The following PDZRN4 variants were observed in gnomAD, a reference collection of about 807,000 sequenced individuals.
PDZRN4 encodes PDZ domain-containing RING finger protein 4.
In PDZRN4, 70 loss-of-function variants were observed where a neutral mutation model predicts 99.0. That is an observed-to-expected ratio of 0.71 (90% CI 0.58 to 0.86). The LOEUF (loss-of-function observed/expected upper bound fraction) is 0.86. Ranked by LOEUF, PDZRN4 falls within the 40% of genes least tolerant of loss-of-function variation. The pLI is 0.00. For missense variants in PDZRN4, 1,474 were observed against 1,331.2 expected (o/e 1.11, Z -1.67); for synonymous variants, 551 against 501.6 (o/e 1.10, Z -1.32).
chr12:41,544,217 T>C (rs920755882), intron 5 of PDZRN4, among the ~76,000 whole-genome samples: 1 of 152,228 alleles, frequency 6.6e-6, no homozygotes, highest in Non-Finnish European at 1.5e-5. Context: ...AGAGGAATTC[T>C]TAGAATGAGT....
chr12:41,475,300 G>A (rs1337149933), intron 3 of PDZRN4, among the ~76,000 whole-genome samples: 7 of 152,140 alleles, frequency 4.6e-5, no homozygotes, highest in African/African-American at 1.7e-4. Flanking sequence ...TCTTTTTTCT[G>A]GAGATTATGG....
chr12:41,229,290 T>G (rs1421757029), intron 3 of PDZRN4, among the ~76,000 whole-genome samples: 1 of 151,896 alleles, frequency 6.6e-6, no homozygotes, highest in African/African-American at 2.4e-5. Context: ...AATTGTTTAA[T>G]GAAAGAATCT....
At chr12:41,216,598 C>T (rs1392308457) in intron 3 of PDZRN4, among the ~76,000 whole-genome samples, 1 of 151,936 alleles carries the variant, frequency 6.6e-6, no homozygotes, top group Non-Finnish European at 1.5e-5. Context: ...GATCTGAAAG[C>T]CTGCATATTC....
chr12:41,496,389 A>C lies in PDZRN4; in HGVS notation c.844-10067A>C, dbSNP rs74801204. ...CCTAGCTTTGTTTTTATTTGATCCT[A>C]TCTGCAACTCTGAGTGGATATTATT... On this transcript the variant is annotated intron_variant, in intron 3 of 9. Coordinates refer to ENST00000402685, the MANE Select transcript of PDZRN4 (RefSeq NM_001164595.2). Among the ~76,000 whole-genome samples, 19 of 152,192 alleles carry C rather than the reference A, an allele frequency of 1.2e-4. No individual in the cohort carries two copies. In the East Asian group the frequency reaches 3.1e-3, roughly 25 times the overall value.
chr12:41,246,113 T>C (rs1459078214), intron 3 of PDZRN4, among the ~76,000 whole-genome samples: 2 of 152,208 alleles, frequency 1.3e-5, no homozygotes, highest in Non-Finnish European at 2.9e-5. Context: ...TGTAGGGAGA[T>C]TTCTCAGAAA....
chr12:41,460,034 C>CTT, intron 3 of PDZRN4: 2 of 1,286,864 alleles, frequency 1.6e-6, no homozygotes, highest in Non-Finnish European at 2.0e-6. Flanking sequence ...TGTGTGGGAT[C>CTT]TTAGTTCTGC....
In PDZRN4 at chr12:41,209,170, G is replaced by A. The variant is rs1312749164; in HGVS notation, c.843+14982G>A. ...AGGAGTGGCTAACTTCATGAATCAC[G>A]GGAAGCGGTGGTTTATTTTGAATGG... On this transcript the variant is annotated intron_variant, in intron 3 of 9. Transcript: ENST00000402685. Among the ~76,000 whole-genome samples the A allele has an allele frequency of 5.3e-5, 8 of 151,834 alleles. No individual in the cohort carries two copies. In the East Asian group the frequency reaches 1.6e-3, roughly 30 times the overall value.
chr12:41,197,218 A>C (rs1192016832), intron 3 of PDZRN4, among the ~76,000 whole-genome samples: 1 of 152,130 alleles, frequency 6.6e-6, no homozygotes, highest in Non-Finnish European at 1.5e-5. Flanking sequence ...GGAAGTAGAC[A>C]TGTTAAAGGT....
intron 3 of PDZRN4, among the ~76,000 whole-genome samples, chr12:41,333,218 G>T (rs1951751434): frequency 6.6e-6 from 1 of 152,084 alleles, no homozygotes; most frequent in Non-Finnish European, 1.5e-5. Flanking sequence ...ATGAGCTAAG[G>T]TTCTGAGACA....
chr12:41,376,844 G>A (rs926430935), intron 3 of PDZRN4, among the ~76,000 whole-genome samples: 2 of 152,046 alleles, frequency 1.3e-5, no homozygotes, highest in African/African-American at 2.4e-5. Context: ...TTTCTTAAAG[G>A]AGTTTTGTGG....
intron 3 of PDZRN4, among the ~76,000 whole-genome samples, chr12:41,496,142 T>C (rs1937997302): frequency 6.6e-6 from 1 of 152,088 alleles, no homozygotes; most frequent in African/African-American, 2.4e-5. Context: ...TGACTGTTCT[T>C]GGATGTGATT....
rs185440060 is a variant in PDZRN4, at chr12:41,304,260, G to A, written c.843+110072G>A. Among the ~76,000 whole-genome samples the A allele has an allele frequency of 1.0e-3, 154 of 152,206 alleles. 2 individuals carry two copies. Among genetic ancestry groups the A allele is most frequent in the African/African-American group, 3.4e-3 (142 of 41,538 alleles). The stretch of plus-strand genomic sequence containing the variant: ...AGCTTTGTATGATATCAGATCAAAA[G>A]GAGTTAAGTGATTATGCAGTCACCG... On this transcript the variant is annotated intron_variant, in intron 3 of 9. Transcript: ENST00000402685.
Position 41,516,752 on chromosome 12 carries a change from G to C in PDZRN4, c.1203+6839G>C, listed in dbSNP as rs1310809766. On this transcript the variant is annotated intron_variant, in intron 5 of 9. Coordinates refer to ENST00000402685, the MANE Select transcript of PDZRN4 (RefSeq NM_001164595.2). ...TTGCCCTAAACAGTCTTGATGTATG[G>C]CTCATTATGAATAGCAGCTTTTTTT... 2.6e-5 allele frequency among the ~76,000 whole-genome samples: 4 copies of C among 151,364 alleles called. 1 individual carries two copies. Among genetic ancestry groups the C allele is most frequent in the African/African-American group, 9.7e-5 (4 of 41,176 alleles).
chr12:41,256,519 A>G (rs1451898480), intron 3 of PDZRN4, among the ~76,000 whole-genome samples: 3 of 152,236 alleles, frequency 2.0e-5, no homozygotes, highest in Non-Finnish European at 2.9e-5. Context: ...TACACAAGCC[A>G]ACATTTACCT....
intron 3 of PDZRN4, among the ~76,000 whole-genome samples, chr12:41,317,508 A>G (rs1457347295): frequency 1.3e-5 from 2 of 152,124 alleles, no homozygotes; most frequent in Non-Finnish European, 1.5e-5. Context: ...AGACTGGTAT[A>G]ACCAAATATA....
intron 5 of PDZRN4, among the ~76,000 whole-genome samples, chr12:41,528,385 A>G (rs1426903563): frequency 6.6e-6 from 1 of 152,102 alleles, no homozygotes; most frequent in Non-Finnish European, 1.5e-5. Context: ...CTGTACATAA[A>G]CTTTTTCTTT....
intron 5 of PDZRN4, among the ~76,000 whole-genome samples, chr12:41,530,041 G>C (rs1056017244): frequency 2.9e-4 from 44 of 152,192 alleles, no homozygotes; most frequent in African/African-American, 8.9e-4. Flanking sequence ...AGTTGAAATG[G>C]GTCTTTCATT....
chr12:41,391,350 T>G (rs1442942709), intron 3 of PDZRN4, among the ~76,000 whole-genome samples: 1 of 152,158 alleles, frequency 6.6e-6, no homozygotes, highest in Non-Finnish European at 1.5e-5. Context: ...CATGAGTTAT[T>G]TGATTCCCTT....
chr12:41,542,373 G>T (rs1210646203), intron 5 of PDZRN4, among the ~76,000 whole-genome samples: 1 of 152,156 alleles, frequency 6.6e-6, no homozygotes, highest in Non-Finnish European at 1.5e-5. Flanking sequence ...GACACTAAGG[G>T]TTGAAAGAAT....
Sources: allele counts gnomAD v4.1 joint callset (sites outside exome capture counted in the v4.1 genomes callset), GRCh38; gene constraint gnomAD v4.1.1; transcripts MANE v1.5; gene names NCBI Gene and HGNC (gene_info 2026-07-23, HGNC 2026-07-21).